Variants in MCTP1 observed in about 807,000 individuals in gnomAD.
The protein encoded by MCTP1 is multiple C2 and transmembrane domain containing 1.
In MCTP1, 69 loss-of-function variants were observed where a neutral mutation model predicts 120.6. The ratio of observed to expected loss-of-function variants is 0.57; its 90% CI spans 0.47 to 0.70. The LOEUF is 0.70. MCTP1 is among the 30% of genes least tolerant of loss of function. MCTP1 has a pLI of 0.00. For synonymous variants in MCTP1, 529 were observed against 493.1 expected (o/e 1.07, Z -0.96); for missense variants, 1,203 against 1,248.8 (o/e 0.96, Z 0.55).
intron 19 of MCTP1, among the ~76,000 whole-genome samples, chr5:94,754,005 A>G (rs968188246): frequency 5.3e-5 from 8 of 152,174 alleles, no homozygotes; most frequent in African/African-American, 1.9e-4. Context: ...GAAGAGAGAA[A>G]TCGCTCTTAG....
At chr5:95,187,305 TG>T in intron 1 of MCTP1, among the ~76,000 whole-genome samples, 1 of 152,270 alleles carries the variant, frequency 6.6e-6, no homozygotes, top group East Asian at 1.9e-4. Context: ...TGCAACAACG[TG>T]GTTGGAAAAG....
At position 94,705,522 on chromosome 5, in the gene MCTP1, A is replaced by G. The variant is rs150790328; in HGVS notation, c.*1974T>C. On this transcript the variant is annotated 3_prime_UTR_variant, in exon 23 of 23. Transcript: ENST00000515393. ...TCTGAACCACCAAAAAAAAAAAAAA[A>G]AGGAGTGCTGATTATACGTGGGAAA... The G allele has an allele frequency of 9.9e-5, 15 of 151,274 alleles. No homozygotes were observed. The highest frequency in any genetic ancestry group is 3.4e-4 in the African/African-American group (14 of 41,342). The allele number at this position is 151,274 out of a possible 1,614,324, so 9.4% of individuals were successfully genotyped here. A position where few individuals can be genotyped will look rare whatever the true frequency, so the allele number is the denominator to read the frequency against.
chr5:95,029,155 C>CA (rs5869665), intron 1 of MCTP1, among the ~76,000 whole-genome samples: 118,469 of 135,998 alleles, frequency 0.87, 52,002 homozygotes, highest in East Asian at 0.97. Flanking sequence ...GACTCCATCT[C>CA]AAAAAAAAAA....
chr5:94,872,367 C>T (rs575942022), intron 13 of MCTP1, among the ~76,000 whole-genome samples: 1 of 151,960 alleles, frequency 6.6e-6, no homozygotes, highest in African/African-American at 2.4e-5. Flanking sequence ...TGTGGAATTC[C>T]TTAAAAATAA....
At chr5:95,176,863 T>G (rs987688120) in intron 1 of MCTP1, among the ~76,000 whole-genome samples, 1 of 151,592 alleles carries the variant, frequency 6.6e-6, no homozygotes, top group African/African-American at 2.4e-5. Context: ...AAAATATATA[T>G]ATACCTACAT....
At chr5:94,738,303 C>T (rs760647953) in intron 19 of MCTP1, among the ~76,000 whole-genome samples, 1 of 152,144 alleles carries the variant, frequency 6.6e-6, no homozygotes, top group Non-Finnish European at 1.5e-5. Context: ...TGATTGGATT[C>T]TCCACTGTCT....
intron 1 of MCTP1, among the ~76,000 whole-genome samples, chr5:95,228,997 A>G (rs1280517576): frequency 6.6e-6 from 1 of 152,198 alleles, no homozygotes; most frequent in Non-Finnish European, 1.5e-5. Context: ...ATTTCTTTGT[A>G]GCAATGCAAG....
At chr5:94,845,104 T>C (rs190554928) in intron 17 of MCTP1, among the ~76,000 whole-genome samples, 5 of 152,308 alleles carry the variant, frequency 3.3e-5, no homozygotes, top group Admixed American at 6.5e-5. Flanking sequence ...ATCCAGAATC[T>C]ATAAGGAACT....
chr5:94,974,612 T>C (rs1827662611), intron 2 of MCTP1, among the ~76,000 whole-genome samples: 1 of 152,108 alleles, frequency 6.6e-6, no homozygotes. Context: ...GAGGATTCAT[T>C]GGCTTTGTTA....
At chr5:95,052,503 A>C (rs895704897) in intron 1 of MCTP1, among the ~76,000 whole-genome samples, 3 of 152,222 alleles carry the variant, frequency 2.0e-5, no homozygotes, top group Admixed American at 6.5e-5. Context: ...TAAAACTCCA[A>C]GTACTCTCCT....
chr5:95,008,966 C>T (rs1462922760), intron 2 of MCTP1, among the ~76,000 whole-genome samples: 3 of 151,654 alleles, frequency 2.0e-5, no homozygotes, highest in Non-Finnish European at 4.4e-5. Context: ...GAGTCTGAGG[C>T]TGCAATGAGC....
Position 94,913,008 on chromosome 5 carries a change from T to G in MCTP1, c.1351-32A>C, listed in dbSNP as rs561130295. The G allele has an allele frequency of 1.9e-6, 3 of 1,570,982 alleles. No homozygotes were observed. The East Asian group carries it at 7.4e-5, about 39-fold the overall frequency. The stretch of plus-strand genomic sequence containing the variant: ...GCAAATGAAAATTGAGTTAGGTTAC[T>G]GTGTTTTAAACCCAAAAACCTCATT... On this transcript the variant is annotated intron_variant, in intron 8 of 22. Transcript: ENST00000515393.
intron 1 of MCTP1, among the ~76,000 whole-genome samples, chr5:95,137,850 A>C (rs548879184): frequency 1.3e-5 from 2 of 152,294 alleles, no homozygotes; most frequent in African/African-American, 4.8e-5. Context: ...TGTGGGGAAC[A>C]TATTGATTCC....
intron 1 of MCTP1, among the ~76,000 whole-genome samples, chr5:95,081,253 T>C (rs1306941617): frequency 6.6e-6 from 1 of 152,196 alleles, no homozygotes; most frequent in Non-Finnish European, 1.5e-5. Context: ...TATTACACTA[T>C]GTATCTCACA....
intron 17 of MCTP1, among the ~76,000 whole-genome samples, chr5:94,843,584 T>C (rs189118823): frequency 7.9e-5 from 12 of 152,336 alleles, no homozygotes; most frequent in African/African-American, 2.9e-4. Context: ...AGTGAGGTTT[T>C]ATTTTAAACA....
intron 17 of MCTP1, among the ~76,000 whole-genome samples, chr5:94,817,444 AAACT>A (rs1282582834): frequency 6.8e-6 from 1 of 146,460 alleles, no homozygotes; most frequent in Admixed American, 6.8e-5. Context: ...ACAAACAAAC[AAACT>A]GGTTTACTAT....
intron 10 of MCTP1, among the ~76,000 whole-genome samples, chr5:94,896,415 T>G (rs191637531): frequency 1.3e-5 from 2 of 152,142 alleles, no homozygotes; most frequent in African/African-American, 4.8e-5. Flanking sequence ...ACTCACTTTT[T>G]TTTTTCTTTT....
At position 94,894,823 on chromosome 5, in the gene MCTP1, G is replaced by A; in HGVS notation, c.1665C>T (p.Asp555=). 6.3e-7 allele frequency: 1 copy of A among 1,580,442 alleles called. No individual in the cohort carries two copies. The highest frequency in any genetic ancestry group is 8.6e-7 in the Non-Finnish European group (1 of 1,157,586). ...TCTGTTCCCTACTGAGGGCTGACAG[G>A]TCGACCTGGCACCTAGAGACAAATG... ...RDDFIGRCQV[D]LSALSREQTH... is the part of the protein sequence containing the mutation. Residue 555 remains aspartate (D), a synonymous_variant, in exon 11 of 23, where the codon GAC becomes GAT. Coordinates refer to ENST00000515393, the MANE Select transcript of MCTP1 (RefSeq NM_024717.7).
intron 18 of MCTP1, among the ~76,000 whole-genome samples, chr5:94,791,155 C>T (rs995336713): frequency 6.0e-5 from 9 of 150,688 alleles, no homozygotes; most frequent in African/African-American, 1.5e-4. Context: ...AAAAATTAGC[C>T]GGGTGCAGTG....
Sources: gnomAD v4.1 joint callset for allele counts (sites outside exome capture counted in the v4.1 genomes callset) on GRCh38, gnomAD v4.1.1 for gene constraint, MANE v1.5 for transcripts, NCBI Gene and HGNC (gene_info 2026-07-23, HGNC 2026-07-21) for gene names.